Variants in MYLK observed in about 807,000 individuals in gnomAD.
MYLK encodes the protein myosin light chain kinase, smooth muscle.
A neutral mutation model predicts 203.4 loss-of-function variants in MYLK; 106 were observed. That is an observed-to-expected ratio of 0.52 (90% CI 0.45 to 0.61). MYLK has a LOEUF of 0.61. Ranked by LOEUF, MYLK falls within the 20% of genes least tolerant of loss-of-function variation. MYLK has a pLI of 0.00. For missense variants in MYLK, 2,072 were observed against 2,442.3 expected (o/e 0.85, Z 3.20); for synonymous variants, 867 against 959.5 (o/e 0.90, Z 1.78).
chr3:123,631,814 G>A (rs897524622), intron 29 of MYLK, among the ~76,000 whole-genome samples: 14 of 151,876 alleles, frequency 9.2e-5, no homozygotes, highest in African/African-American at 2.4e-4. Flanking sequence ...ACCTGTCCCC[G>A]AGTCTGCACT....
rs1266501208 is a variant in MYLK, at chr3:123,701,009, C to T, written c.2463-4G>A. On this transcript the variant is annotated splice_region_variant and splice_polypyrimidine_tract_variant and intron_variant, in intron 17 of 33. Transcript: ENST00000360304. ...GCAGCTGGCAGGCTCCCTCCCCCTG[C>T]AACCAGTGTAGGGAAAAAGGAAAGT... The T allele has an allele frequency of 1.3e-6, 2 of 1,597,884 alleles. No individual in the cohort carries two copies. The highest frequency in any genetic ancestry group is 2.7e-5 in the African/African-American group (2 of 74,558).
At position 123,848,767 on chromosome 3, in the gene MYLK, T is replaced by A. The variant is rs1451432424; in HGVS notation, c.-126-17097A>T. On this transcript the variant is annotated intron_variant, in intron 2 of 33. Coordinates refer to ENST00000360304, the MANE Select transcript of MYLK (RefSeq NM_053025.4). Reference sequence around the variant, plus strand: ...GAGGCAGCAAGCATGAGTATGAAAATTATGTTTAGATGACTGGATGTTAAA... The same window carrying A: ...GAGGCAGCAAGCATGAGTATGAAAAATATGTTTAGATGACTGGATGTTAAA... 2.0e-5 allele frequency among the ~76,000 whole-genome samples: 3 copies of A among 152,148 alleles called. No individual in the cohort carries two copies. The South Asian group carries it at 6.2e-4, about 32-fold the overall frequency.
At chr3:123,684,085 T>A (rs1203516372) in intron 19 of MYLK, among the ~76,000 whole-genome samples, 1 of 152,128 alleles carries the variant, frequency 6.6e-6, no homozygotes, top group African/African-American at 2.4e-5. Flanking sequence ...ACACTGGACA[T>A]TTTCCCCAAG....
At chr3:123,628,369 A>C (rs1263781248) in intron 30 of MYLK, among the ~76,000 whole-genome samples, 1 of 152,212 alleles carries the variant, frequency 6.6e-6, no homozygotes, top group Non-Finnish European at 1.5e-5. Flanking sequence ...GCAAGGCTGC[A>C]AAGTCACCTG....
intron 19 of MYLK, chr3:123,692,321 CCCT>C (rs764139396): frequency 4.9e-5 from 57 of 1,160,522 alleles, no homozygotes; most frequent in Non-Finnish European, 6.0e-5. Context: ...TCGCTCTGCT[CCCT>C]CCTCCTCACG....
At position 123,707,844 on chromosome 3, in the gene MYLK, T is replaced by G. The variant is rs2061522106; in HGVS notation, c.2300A>C (p.His767Pro). 1 of 1,614,220 alleles carries G rather than the reference T, an allele frequency of 6.2e-7. No homozygotes were observed. Among genetic ancestry groups the G allele is most frequent in the African/African-American group, 1.3e-5 (1 of 75,050 alleles). The change falls in exon 16 of 34, where the codon CAC (histidine) becomes CCC (proline). Residue 767 changes from histidine (H) to proline (P), a missense_variant. By Grantham distance (77) the His-to-Pro change is moderately conservative. Transcript: ENST00000360304. ...GTCCTCATTCTGAAGCACCTCGAAG[T>G]GGCCAGTGTCTTTGCAGAGGGCTTT... is the stretch of plus-strand genomic sequence containing the variant. The part of the protein sequence containing the change: ...DGKALCKDTG[H>P]FEVLQNEDVF...
At chr3:123,615,642 C>T (rs1194126432) in intron 33 of MYLK, among the ~76,000 whole-genome samples, 1 of 115,016 alleles carries the variant, frequency 8.7e-6, no homozygotes, top group Non-Finnish European at 1.7e-5. Flanking sequence ...GCCGAAAATA[C>T]AATTTTCTAT....
chr3:123,787,810 C>T (rs1030655306), intron 4 of MYLK, among the ~76,000 whole-genome samples: 16 of 152,162 alleles, frequency 1.1e-4, no homozygotes, highest in African/African-American at 3.9e-4. Flanking sequence ...CCCTTTCTAT[C>T]ATATCTACCC....
chr3:123,709,134 A>ATTTTT (rs1161776768), intron 14 of MYLK: 9 of 171,838 alleles, frequency 5.2e-5, no homozygotes, highest in Admixed American at 1.3e-4. Context: ...TTCTCACATA[A>ATTTTT]TTTTTTTTTT....
At chr3:123,721,326 C>T (rs1258167544) in intron 13 of MYLK, among the ~76,000 whole-genome samples, 4 of 151,996 alleles carry the variant, frequency 2.6e-5, no homozygotes, top group Non-Finnish European at 5.9e-5. Context: ...CCCAGTCATG[C>T]ACAGGAGCCG....
At chr3:123,743,576 T>G (rs1018185731) in intron 5 of MYLK, among the ~76,000 whole-genome samples, 7 of 151,980 alleles carry the variant, frequency 4.6e-5, no homozygotes, top group Non-Finnish European at 1.0e-4. Context: ...AAAGTAGAAA[T>G]GCAAAAAATA....
At chr3:123,870,039 T>C (rs981528365) in intron 2 of MYLK, among the ~76,000 whole-genome samples, 1 of 152,082 alleles carries the variant, frequency 6.6e-6, no homozygotes, top group Non-Finnish European at 1.5e-5. Flanking sequence ...GCTCTGCCCC[T>C]TCCCACACAC....
In MYLK at chr3:123,708,801, G is replaced by A; in HGVS notation, c.2037C>T (p.Ser679=). 2 of 1,614,152 alleles carry A rather than the reference G, an allele frequency of 1.2e-6. No homozygotes were observed. Among genetic ancestry groups the A allele is most frequent in the Non-Finnish European group, 8.5e-7 (1 of 1,180,030 alleles). Residue 679 remains serine (S), a synonymous_variant, in exon 15 of 34, where the codon AGC becomes AGT. Transcript: ENST00000360304. ...CCGGGAACACTTCCTGGATACAAAG[G>A]CTGTGCTGAGTTCCTCTCTGTTCAA... ...FHFEQRGTQH[S]LCIQEVFPED...
intron 14 of MYLK, chr3:123,709,248 C>T (rs2061592474): frequency 4.5e-6 from 1 of 221,666 alleles, no homozygotes; most frequent in Non-Finnish European, 9.0e-6. Context: ...TCACGCCATT[C>T]TCCTGCCTCA....
chr3:123,756,716 T>C (rs2063370598), intron 4 of MYLK, among the ~76,000 whole-genome samples: 2 of 152,106 alleles, frequency 1.3e-5, no homozygotes, highest in Admixed American at 6.5e-5. Flanking sequence ...CAAACATGAA[T>C]AGACAGCCCT....
chr3:123,737,182 G>A (rs2062701135), intron 8 of MYLK, 196 bp downstream of exon 8: 2 of 607,040 alleles, frequency 3.3e-6, no homozygotes, highest in Admixed American at 3.0e-5. Flanking sequence ...TCATGTCACT[G>A]CACTCCAGCA....
intron 3 of MYLK, among the ~76,000 whole-genome samples, chr3:123,797,703 T>G (rs779483108): frequency 3.0e-4 from 46 of 152,326 alleles, no homozygotes; most frequent in Non-Finnish European, 5.9e-4. Context: ...GGCAAGGTGC[T>G]CCAACCCTCT....
intron 1 of MYLK, among the ~76,000 whole-genome samples, chr3:123,879,820 A>G (rs1242074556): frequency 6.6e-6 from 1 of 151,996 alleles, no homozygotes; most frequent in Non-Finnish European, 1.5e-5. Context: ...ACACCTGGCT[A>G]ATTTTTTGTA....
At chr3:123,717,059 A>G (rs1463201225) in intron 13 of MYLK, among the ~76,000 whole-genome samples, 2 of 152,210 alleles carry the variant, frequency 1.3e-5, no homozygotes, top group African/African-American at 4.8e-5. Context: ...TAATATATAT[A>G]AAAAAGGCAA....
Sources: gnomAD v4.1 joint callset for allele counts (sites outside exome capture counted in the v4.1 genomes callset) on GRCh38, gnomAD v4.1.1 for gene constraint, MANE v1.5 for transcripts, NCBI Gene and HGNC (gene_info 2026-07-23, HGNC 2026-07-21) for gene names.